ARHGAP15: variants seen among roughly 807,000 people sequenced by gnomAD.
The protein encoded by ARHGAP15 is Rho GTPase activating protein 15.
Under a neutral mutation model 63.7 loss-of-function variants are expected in ARHGAP15, and 51 were observed. That is an observed-to-expected ratio of 0.80 (90% CI 0.64 to 1.01). ARHGAP15 has a LOEUF of 1.01. Among genes scored for constraint, ARHGAP15 ranks in the 50% least tolerant of loss-of-function variants. ARHGAP15 has a pLI of 0.00. For synonymous variants in ARHGAP15, 191 were observed against 193.8 expected (o/e 0.99, Z 0.12); for missense variants, 560 against 564.6 (o/e 0.99, Z 0.08).
At chr2:143,677,520 G>A (rs1303126325) in intron 12 of ARHGAP15, among the ~76,000 whole-genome samples, 1 of 152,106 alleles carries the variant, frequency 6.6e-6, no homozygotes, top group Non-Finnish European at 1.5e-5. Flanking sequence ...CTCCTAGTTG[G>A]TGTGGCTAAA....
intron 6 of ARHGAP15, among the ~76,000 whole-genome samples, chr2:143,301,286 TAAAC>T (rs374663207): frequency 2.3e-4 from 35 of 152,074 alleles, no homozygotes; most frequent in South Asian, 1.9e-3. Context: ...TTGAAGATAA[TAAAC>T]AAAGCCCATT....
intron 5 of ARHGAP15, among the ~76,000 whole-genome samples, chr2:143,248,065 T>C (rs1202671116): frequency 6.6e-6 from 1 of 152,166 alleles, no homozygotes; most frequent in Non-Finnish European, 1.5e-5. Flanking sequence ...CTCAGGGAGC[T>C]TAATTCTAGT....
chr2:143,470,051 CTCTTA>C (rs1691443338), intron 8 of ARHGAP15, among the ~76,000 whole-genome samples: 1 of 151,998 alleles, frequency 6.6e-6, no homozygotes, highest in African/African-American at 2.4e-5. Context: ...TCACACAGGA[CTCTTA>C]TCTTTACAAT....
At chr2:143,736,690 C>G (rs1170783039) in intron 13 of ARHGAP15, among the ~76,000 whole-genome samples, 1 of 152,176 alleles carries the variant, frequency 6.6e-6, no homozygotes, top group East Asian at 1.9e-4. Context: ...TTAACAGTTA[C>G]TACTCTGTAT....
At chr2:143,263,270 G>A (rs892736580) in intron 6 of ARHGAP15, among the ~76,000 whole-genome samples, 7 of 152,192 alleles carry the variant, frequency 4.6e-5, no homozygotes, top group South Asian at 2.1e-4. Context: ...ACCCCACATT[G>A]CTAATTCAGC....
chr2:143,431,375 C>T (rs1041719500), intron 6 of ARHGAP15, among the ~76,000 whole-genome samples: 1 of 151,936 alleles, frequency 6.6e-6, no homozygotes, highest in African/African-American at 2.4e-5. Context: ...TCTTCATTTG[C>T]AAAATTACTT....
chr2:143,584,419 A>G (rs541172028), intron 11 of ARHGAP15, among the ~76,000 whole-genome samples: 2 of 152,304 alleles, frequency 1.3e-5, no homozygotes, highest in African/African-American at 4.8e-5. Context: ...TGAGGTTAGG[A>G]GTTCGAGACC....
intron 12 of ARHGAP15, among the ~76,000 whole-genome samples, chr2:143,626,411 G>C (rs1033499996): frequency 6.6e-6 from 1 of 152,052 alleles, no homozygotes. Context: ...TGGGTTCGTG[G>C]TCTTGCTGAC....
chr2:143,643,439 C>T (rs1232094123), intron 12 of ARHGAP15, among the ~76,000 whole-genome samples: 1 of 143,278 alleles, frequency 7.0e-6, no homozygotes, highest in African/African-American at 2.6e-5. Context: ...CCCCCCCCAC[C>T]AAAAAAAAGT....
At chr2:143,243,911 A>T (rs531124804) in intron 5 of ARHGAP15, among the ~76,000 whole-genome samples, 2 of 152,250 alleles carry the variant, frequency 1.3e-5, no homozygotes, top group South Asian at 4.1e-4. Context: ...TTTAAAGCGA[A>T]TATATTTATT....
intron 6 of ARHGAP15, among the ~76,000 whole-genome samples, chr2:143,434,139 AAG>A (rs773364494): frequency 3.3e-5 from 5 of 152,128 alleles, no homozygotes; most frequent in African/African-American, 1.2e-4. Context: ...TCATTTTAAA[AAG>A]AGAGAGAAAG....
intron 11 of ARHGAP15, among the ~76,000 whole-genome samples, chr2:143,591,872 AGCC>A (rs1697335518): frequency 6.6e-6 from 1 of 151,994 alleles, no homozygotes; most frequent in African/African-American, 2.4e-5. Context: ...CGCCTGCCTC[AGCC>A]TCCCAAAGTG....
At chr2:143,616,915 A>G (rs539931504) in intron 11 of ARHGAP15, among the ~76,000 whole-genome samples, 16 of 152,198 alleles carry the variant, frequency 1.1e-4, no homozygotes, top group Non-Finnish European at 1.6e-4. Context: ...TTCCTGAGGA[A>G]GTTTCCAATG....
intron 12 of ARHGAP15, among the ~76,000 whole-genome samples, chr2:143,639,575 C>A (rs1241807207): frequency 6.6e-6 from 1 of 152,108 alleles, no homozygotes; most frequent in Non-Finnish European, 1.5e-5. Context: ...CAATCAAGCT[C>A]CCATATTCCA....
At chr2:143,620,717 G>C (rs987135485) in intron 11 of ARHGAP15, among the ~76,000 whole-genome samples, 2 of 152,154 alleles carry the variant, frequency 1.3e-5, no homozygotes, top group Non-Finnish European at 2.9e-5. Flanking sequence ...CTGTAAAATG[G>C]ACATGATGAT....
At chr2:143,506,433 C>G (rs950660797) in intron 9 of ARHGAP15, among the ~76,000 whole-genome samples, 4 of 151,112 alleles carry the variant, frequency 2.6e-5, no homozygotes, top group African/African-American at 9.7e-5. Context: ...AAGTGACAAC[C>G]TAATTGATAA....
intron 13 of ARHGAP15, among the ~76,000 whole-genome samples, chr2:143,744,683 A>C (rs1005259244): frequency 2.6e-5 from 4 of 152,206 alleles, no homozygotes; most frequent in African/African-American, 9.6e-5. Context: ...TATAATCACT[A>C]TTGCAATAAA....
chr2:143,371,939 G>A (rs1686576382), intron 6 of ARHGAP15, among the ~76,000 whole-genome samples: 1 of 151,696 alleles, frequency 6.6e-6, no homozygotes. Context: ...TTCAAGAATA[G>A]GAAATCTTAC....
At chr2:143,250,276 T>G (rs148484003) in intron 5 of ARHGAP15, among the ~76,000 whole-genome samples, 10 of 152,186 alleles carry the variant, frequency 6.6e-5, no homozygotes, top group African/African-American at 2.2e-4. Flanking sequence ...AGATATTAAT[T>G]TTTCCTATGG....
Sources: gnomAD v4.1 joint callset for allele counts (sites outside exome capture counted in the v4.1 genomes callset) on GRCh38, gnomAD v4.1.1 for gene constraint, MANE v1.5 for transcripts, NCBI Gene and HGNC (gene_info 2026-07-23, HGNC 2026-07-21) for gene names.